Variants in TACC2 observed in about 807,000 individuals in gnomAD.
TACC2 encodes the protein transforming acidic coiled-coil-containing protein 2.
A neutral mutation model predicts 227.3 loss-of-function variants in TACC2; 137 were observed. That is an observed-to-expected ratio of 0.60 (90% CI 0.52 to 0.69). The LOEUF (loss-of-function observed/expected upper bound fraction) is 0.69, where lower values mean the gene tolerates loss of function less well. Among genes scored for constraint, TACC2 ranks in the 30% least tolerant of loss-of-function variants. TACC2 has a pLI of 0.00. For synonymous variants in TACC2, 1,523 were observed against 1,487.5 expected (o/e 1.02, Z -0.55); for missense variants, 3,470 against 3,694.4 (o/e 0.94, Z 1.57).
rs980534446 is a variant in TACC2, at chr10:122,194,750, C to T, written c.5835-290C>T. 3.9e-5 allele frequency among the ~76,000 whole-genome samples: 6 copies of T among 152,262 alleles called. No homozygotes were observed. The highest frequency in any genetic ancestry group is 2.0e-4 in the Admixed American group (3 of 15,306). On this transcript the variant is annotated intron_variant, in intron 7 of 22. Coordinates refer to ENST00000369005, the MANE Select transcript of TACC2 (RefSeq NM_206862.4). The surrounding 1 kb of genome is among the most constrained non-coding windows in gnomAD (Gnocchi z 4.4). The stretch of plus-strand genomic sequence containing the variant: ...ATCAATACCTAATAATGAACGCGTG[C>T]GGAAGTTCATCCAGAGTCCGCTGTG...
chr10:122,211,107 CCT>C lies in TACC2; in HGVS notation c.6683_6684del (p.Pro2228ArgfsTer22). 1 of 1,611,838 alleles carries C rather than the reference CCT, an allele frequency of 6.2e-7. No individual in the cohort carries two copies. The highest frequency in any genetic ancestry group is 8.5e-7 in the Non-Finnish European group (1 of 1,179,052). ...SGGGRVQNSPPVGRKTLPLTT... is the reference protein window; with the variant it reads ...SGGGRVQNSPXVGRKTLPLTT... The stretch of plus-strand genomic sequence containing the variant: ...AGGTGGCAGAGTGCAGAACTCACCC[CCT>C]GTCGGGAGGAAAACGCTGCCTCTTA... On this transcript the variant is annotated frameshift_variant, in exon 9 of 23. Coordinates refer to ENST00000369005, the MANE Select transcript of TACC2 (RefSeq NM_206862.4). LOFTEE classifies it high-confidence loss of function.
chr10:122,226,593 A>C, intron 13 of TACC2, 112 bp downstream of exon 13: 2 of 725,986 alleles, frequency 2.8e-6, no homozygotes, highest in Admixed American at 2.9e-5. Context: ...CAGGCGGCTG[A>C]CATGCCACAT....
Position 122,211,707 on chromosome 10 carries a change from A to G in TACC2, c.7282A>G (p.Thr2428Ala). The change falls in exon 9 of 23, where the codon ACT (threonine) becomes GCT (alanine). Residue 2428 changes from threonine to alanine, a missense_variant and splice_region_variant. Physicochemically the swap from Thr to Ala is moderately conservative, Grantham distance 58 (BLOSUM62 0). Coordinates refer to ENST00000369005, the MANE Select transcript of TACC2 (RefSeq NM_206862.4). ...PAKKKKTPLK[T>A]DTFRVKKSPK... ...CAAGAAGAAGAAGACGCCCCTAAAG[A>G]CGTAAGTTCAGGGGTGGAGGTGGTA... 1 of 1,543,692 alleles carries G rather than the reference A, an allele frequency of 6.5e-7. No homozygotes were observed. Among genetic ancestry groups the G allele is most frequent in the Non-Finnish European group, 8.7e-7 (1 of 1,151,702 alleles).
chr10:122,152,918 G>A (rs1170167038), intron 7 of TACC2, among the ~76,000 whole-genome samples: 2 of 152,144 alleles, frequency 1.3e-5, no homozygotes, highest in Non-Finnish European at 2.9e-5. Context: ...TCTTCCTCTT[G>A]TGATAACATC....
rs185635955 is a variant in TACC2 at position 122,174,283 on chromosome 10, C to T, written c.5835-20757C>T. Among the ~76,000 whole-genome samples the T allele has an allele frequency of 1.6e-4, 24 of 152,312 alleles. No homozygotes were observed. In the East Asian group the frequency reaches 4.3e-3, roughly 27 times the overall value. ...GCCTGCCCAGATCAGCCTTAGCCAG[C>T]GATCTCTGCTGTTAAGAACAGTGCA... On this transcript the variant is annotated intron_variant, in intron 7 of 22. Transcript: ENST00000369005.
At chr10:122,163,820 A>G in intron 7 of TACC2, 10 of 1,461,910 alleles carry the variant, frequency 6.8e-6, no homozygotes, top group Non-Finnish European at 9.0e-6. Context: ...TCTGCAGTGC[A>G]GCAACCCCGG....
intron 3 of TACC2, among the ~76,000 whole-genome samples, chr10:122,077,039 C>T (rs976942608): frequency 2.0e-5 from 3 of 148,706 alleles, no homozygotes; most frequent in Non-Finnish European, 4.4e-5. Flanking sequence ...TGCCTGAACC[C>T]AGGAGGCGGA....
intron 3 of TACC2, among the ~76,000 whole-genome samples, chr10:122,055,221 C>CA (rs138727855): frequency 0.11 from 16,691 of 147,728 alleles, 1,165 homozygotes; most frequent in Middle Eastern, 0.21. Context: ...CGCCGTCTCC[C>CA]AAAAAAAAAT....
rs563065602 is a variant in TACC2 at position 122,194,535 on chromosome 10, C to T, written c.5835-505C>T. 1.2e-4 allele frequency among the ~76,000 whole-genome samples: 18 copies of T among 152,280 alleles called. No homozygotes were observed. The highest frequency in any genetic ancestry group is 3.6e-4 in the African/African-American group (15 of 41,560). ...TTGGAGATACTGTGATAAACAAGGCCGGCTGCCCTCCTGTGTTTTGAGCTC... is the reference window on the plus strand; with the variant it reads ...TTGGAGATACTGTGATAAACAAGGCTGGCTGCCCTCCTGTGTTTTGAGCTC... On this transcript the variant is annotated intron_variant, in intron 7 of 22. Transcript: ENST00000369005. This position sits in a 1 kb window ranked among gnomAD's most constrained non-coding sequence, Gnocchi z 4.4.
chr10:122,149,682 C>A (rs1408270496), intron 7 of TACC2, among the ~76,000 whole-genome samples: 2 of 152,220 alleles, frequency 1.3e-5, no homozygotes, highest in Non-Finnish European at 1.5e-5. Flanking sequence ...AGCCAGTTCG[C>A]CAGTCCGCTC....
rs1953867355 is a variant in TACC2, at chr10:121,998,564, G to A, written c.-46+9076G>A. The stretch of plus-strand genomic sequence containing the variant: ...CCACCACCTTGCCAACGTTTCGTAA[G>A]TGTTATTAATGAGGGTGTTTAAAAT... On this transcript the variant is annotated intron_variant, in intron 1 of 22. Coordinates refer to ENST00000369005, the MANE Select transcript of TACC2 (RefSeq NM_206862.4). Among the ~76,000 whole-genome samples the A allele has an allele frequency of 2.6e-5, 4 of 152,174 alleles. No individual in the cohort carries two copies. In the South Asian group the frequency reaches 6.2e-4, roughly 24 times the overall value.
chr10:122,228,952 C>T (rs1564721882), intron 14 of TACC2, among the ~76,000 whole-genome samples: 1 of 152,148 alleles, frequency 6.6e-6, no homozygotes. Context: ...AGAAAATGAC[C>T]TTTACCAAAA....
Position 122,083,429 on chromosome 10 carries a change from GC to G in TACC2, c.931del (p.His311IlefsTer15). 6.2e-7 allele frequency: 1 copy of G among 1,613,602 alleles called. No individual in the cohort carries two copies. The highest frequency in any genetic ancestry group is 8.5e-7 in the Non-Finnish European group (1 of 1,180,022). ...GATGACTTGGAATTCCTCAGGGCCT[GC>G]CATCTCCCTAGGAGCAATTCAGGGG... ...LTDDLEFLRACHLPRSNSGAA... is the reference protein window; with the variant it reads ...LTDDLEFLRAXHLPRSNSGAA... On this transcript the variant is annotated frameshift_variant, in exon 4 of 23. Coordinates refer to ENST00000369005, the MANE Select transcript of TACC2 (RefSeq NM_206862.4). LOFTEE classifies it high-confidence loss of function.
intron 8 of TACC2, among the ~76,000 whole-genome samples, chr10:122,195,757 T>A (rs1025169809): frequency 6.6e-6 from 1 of 152,156 alleles, no homozygotes; most frequent in African/African-American, 2.4e-5. Context: ...ACCCCACCCC[T>A]GTGGGGCATG....
intron 8 of TACC2, among the ~76,000 whole-genome samples, chr10:122,204,451 C>A (rs1284428098): frequency 6.6e-6 from 1 of 152,106 alleles, no homozygotes; most frequent in East Asian, 1.9e-4. Flanking sequence ...CAGGGAAGCA[C>A]CCCAGCAGGA....
intron 5 of TACC2, 76 bp from the exon 6 acceptor site, chr10:122,132,533 A>G: frequency 1.3e-6 from 2 of 1,580,664 alleles, no homozygotes; most frequent in Non-Finnish European, 1.7e-6. Context: ...TGGATAAGAA[A>G]AGCGAAACTC....
At position 122,087,904 on chromosome 10, in the gene TACC2, G is replaced by A. The variant is rs199828025; in HGVS notation, c.5404G>A (p.Glu1802Lys). 71 of 1,512,748 alleles carry A rather than the reference G, an allele frequency of 4.7e-5. No individual in the cohort carries two copies. Among genetic ancestry groups the A allele is most frequent in the Non-Finnish European group, 6.1e-5 (69 of 1,130,898 alleles). 93.7% of individuals were successfully genotyped at this position (1,512,748 alleles called of 1,614,324 possible). ...VCVSSPPEPD[E>K]THDPKLQHLA... ...CGTCTCCTCACCTCCAGAGCCTGAC[G>A]AAACTCACGACCCGAAGCTGCAACA... Residue 1802 changes from glutamate to lysine, a missense_variant, in exon 4 of 23, where the codon GAA becomes AAA. Glu to Lys is a moderately conservative substitution (Grantham distance 56, BLOSUM62 1). This residue lies in a region of TACC2 where 1,924 missense variants were observed against 1,978.3 expected (regional missense o/e 0.97). Coordinates refer to ENST00000369005, the MANE Select transcript of TACC2 (RefSeq NM_206862.4).
At chr10:122,109,081 C>T (rs1163012026) in intron 5 of TACC2, among the ~76,000 whole-genome samples, 1 of 152,162 alleles carries the variant, frequency 6.6e-6, no homozygotes, top group African/African-American at 2.4e-5. Flanking sequence ...GAGCTGGTTT[C>T]ATATTTTTTC....
intron 3 of TACC2, among the ~76,000 whole-genome samples, chr10:122,073,262 G>A (rs532957665): frequency 1.1e-4 from 17 of 151,844 alleles, no homozygotes; most frequent in African/African-American, 4.1e-4. Flanking sequence ...GGCCTGGGGA[G>A]TGGCATGCAG....
Sources: gnomAD v4.1 joint callset for allele counts (sites outside exome capture counted in the v4.1 genomes callset) on GRCh38, gnomAD v4.1.1 for gene constraint, gnomAD v4.1.1 regional missense constraint, Gnocchi (gnomAD v3.1) non-coding constraint, MANE v1.5 for transcripts, NCBI Gene and HGNC (gene_info 2026-07-23, HGNC 2026-07-21) for gene names.